SYTL2: variants seen among roughly 807,000 people sequenced by gnomAD.
SYTL2 encodes the protein synaptotagmin-like protein 2.
SYTL2 carries 165 observed loss-of-function variants against 198.7 expected under a neutral mutation model. That is an observed-to-expected ratio of 0.83 (90% confidence interval 0.73 to 0.94). SYTL2 has a LOEUF of 0.94. Ranked by LOEUF, SYTL2 falls within the 40% of genes least tolerant of loss-of-function variation. The pLI is 0.00. For synonymous variants in SYTL2, 966 were observed against 917.7 expected (o/e 1.05, Z -0.95); for missense variants, 2,835 against 2,582.8 (o/e 1.10, Z -2.12).
At chr11:85,833,144 AAGGAAGGAAG>A in the SYTL2 span, among the ~76,000 whole-genome samples, 11 of 123,760 alleles carry the variant, frequency 8.9e-5, no homozygotes, top group South Asian at 2.4e-4. Context: ...GGAAGGAAGG[AAGGAAGGAAG>A]GAAAGAAAGA....
chr11:85,757,110 A>G (rs1237880495), intron 2 of SYTL2, among the ~76,000 whole-genome samples: 1 of 152,248 alleles, frequency 6.6e-6, no homozygotes, highest in Non-Finnish European at 1.5e-5. Context: ...ACTCCTCTTT[A>G]TGGGACCCAA....
intron 1 of SYTL2, among the ~76,000 whole-genome samples, chr11:85,771,205 G>C (rs7130377): frequency 6.6e-6 from 1 of 152,134 alleles, no homozygotes; most frequent in Non-Finnish European, 1.5e-5. Flanking sequence ...AGCATCTCTC[G>C]AGACTTCCTG....
intron 2 of SYTL2, among the ~76,000 whole-genome samples, chr11:85,754,873 G>A (rs1482008632): frequency 6.6e-6 from 1 of 152,118 alleles, no homozygotes; most frequent in Non-Finnish European, 1.5e-5. Flanking sequence ...GAATAACAAC[G>A]ATGAGCAGAA....
the SYTL2 span, among the ~76,000 whole-genome samples, chr11:85,823,701 C>T: frequency 6.6e-6 from 1 of 152,090 alleles, no homozygotes; most frequent in Non-Finnish European, 1.5e-5. Flanking sequence ...ATTATACAGT[C>T]AAAAATTATA....
At position 85,704,959 on chromosome 11, in the gene SYTL2, T is replaced by C; in HGVS notation, c.6088A>G (p.Lys2030Glu). The change falls in exon 16 of 20, where the codon AAG (lysine) becomes GAG (glutamate). Residue 2030 changes from lysine to glutamate, a missense_variant. Physicochemically the swap from Lys to Glu is moderately conservative, Grantham distance 56. Coordinates refer to ENST00000359152, the MANE Select transcript of SYTL2 (RefSeq NM_206927.4). ...NLSIWHRDTF[K>E]RNSFLGEVEL... ...ACCTCCCCTAGGAAACTATTGCGCT[T>C]AAATGTATCCCGATGCCAAATGGAC... is the stretch of plus-strand genomic sequence containing the variant. The C allele has an allele frequency of 1.2e-6, 2 of 1,613,770 alleles. No homozygotes were observed. The highest frequency in any genetic ancestry group is 1.7e-6 in the Non-Finnish European group (2 of 1,179,738).
At chr11:85,775,870 A>C (rs2092442921) in intron 1 of SYTL2, among the ~76,000 whole-genome samples, 1 of 152,228 alleles carries the variant, frequency 6.6e-6, no homozygotes, top group South Asian at 2.1e-4. Flanking sequence ...AGCTGAGAAC[A>C]CATTTGTAAA....
intron 1 of SYTL2, among the ~76,000 whole-genome samples, chr11:85,762,197 C>G (rs765774034): frequency 3.9e-5 from 6 of 152,190 alleles, no homozygotes; most frequent in Non-Finnish European, 8.8e-5. Context: ...GACTCACCGA[C>G]CCAGACCCGG....
chr11:85,833,120 AAGGAAGG>A, the SYTL2 span, among the ~76,000 whole-genome samples: 1 of 108,272 alleles, frequency 9.2e-6, no homozygotes, highest in East Asian at 2.2e-4. Flanking sequence ...GGAAGGAAGG[AAGGAAGG>A]AAGGAAGGAA....
At chr11:85,837,109 C>T in the SYTL2 span, among the ~76,000 whole-genome samples, 2 of 152,212 alleles carry the variant, frequency 1.3e-5, no homozygotes, top group African/African-American at 4.8e-5. Context: ...ATTCCATTTA[C>T]AGAATCAGGC....
chr11:85,775,583 A>G (rs1438650914), intron 1 of SYTL2, among the ~76,000 whole-genome samples: 1 of 152,150 alleles, frequency 6.6e-6, no homozygotes, highest in Admixed American at 6.5e-5. Context: ...CCTGGGTTCA[A>G]GTGATTCTCC....
At chr11:85,797,626 CAAA>C (rs563235406) in intron 1 of SYTL2, among the ~76,000 whole-genome samples, 2 of 87,370 alleles carry the variant, frequency 2.3e-5, no homozygotes, top group Non-Finnish European at 2.4e-5. Context: ...GACTCCTTCT[CAAA>C]AAAAAAAAAA....
At chr11:85,752,917 TAAAAAAAAA>T (rs1162431708) in intron 2 of SYTL2, among the ~76,000 whole-genome samples, 25 of 17,720 alleles carry the variant, frequency 1.4e-3, no homozygotes, top group Admixed American at 2.7e-3. Flanking sequence ...CTGCCTTCAT[TAAAAAAAAA>T]AAAAAAAAAA....
chr11:85,851,728 G>A, the SYTL2 span, among the ~76,000 whole-genome samples: 1 of 152,186 alleles, frequency 6.6e-6, no homozygotes, highest in South Asian at 2.1e-4. Flanking sequence ...ATAGAAGCAG[G>A]CCTAAGATTT....
the SYTL2 span, among the ~76,000 whole-genome samples, chr11:85,820,159 G>A: frequency 6.6e-6 from 1 of 152,168 alleles, no homozygotes; most frequent in African/African-American, 2.4e-5. Flanking sequence ...ATCAGTAGAT[G>A]CAACTTTATC....
chr11:85,833,106 G>C, the SYTL2 span, among the ~76,000 whole-genome samples: 1 of 35,676 alleles, frequency 2.8e-5, no homozygotes, highest in Admixed American at 3.8e-4. Context: ...AAAGAAGGAA[G>C]GAAGGAAGGA....
chr11:85,749,207 A>G (rs1387961559), intron 2 of SYTL2, among the ~76,000 whole-genome samples: 4 of 152,192 alleles, frequency 2.6e-5, no homozygotes. Context: ...GTTCTAACTG[A>G]CAAGTCTTAA....
intron 1 of SYTL2, among the ~76,000 whole-genome samples, chr11:85,808,903 A>G (rs191224378): frequency 1.6e-4 from 24 of 150,992 alleles, no homozygotes; most frequent in African/African-American, 5.1e-4. Flanking sequence ...AAAAAAAGCC[A>G]CATTTTTCTT....
chr11:85,706,258 T>C (rs1293743402), intron 15 of SYTL2, among the ~76,000 whole-genome samples: 1 of 152,222 alleles, frequency 6.6e-6, no homozygotes, highest in East Asian at 1.9e-4. Context: ...GTACTATTAT[T>C]ATCTTCCTTT....
At chr11:85,816,960 T>C in the SYTL2 span, among the ~76,000 whole-genome samples, 3 of 151,852 alleles carry the variant, frequency 2.0e-5, no homozygotes, top group African/African-American at 7.3e-5. Context: ...AGAGTCTTTC[T>C]GGTAGAAGAA....
Sources: allele counts gnomAD v4.1 joint callset (sites outside exome capture counted in the v4.1 genomes callset), GRCh38; gene constraint gnomAD v4.1.1; transcripts MANE v1.5; gene names NCBI Gene and HGNC (gene_info 2026-07-23, HGNC 2026-07-21).